CLPTM1: variants seen among roughly 807,000 people sequenced by gnomAD.
The protein encoded by CLPTM1 is CLPTM1 regulator of GABA type A receptor forward trafficking.
Under a neutral mutation model 77.3 loss-of-function variants are expected in CLPTM1, and 21 were observed. That is an observed-to-expected ratio of 0.27 (90% CI 0.19 to 0.39). CLPTM1 has a LOEUF of 0.39. Among genes scored for constraint, CLPTM1 ranks in the 10% least tolerant of loss-of-function variants. The pLI is 1.00. For missense variants in CLPTM1, 642 were observed against 921.2 expected, an observed-to-expected ratio of 0.70 and a Z score of 3.92; for synonymous variants, 373 against 381.0, an observed-to-expected ratio of 0.98 and a Z score of 0.24.
Position 44,977,471 on chromosome 19 carries a change from C to T in CLPTM1, c.586+11C>T, listed in dbSNP as rs758699169. The T allele has an allele frequency of 6.3e-7, 1 of 1,585,572 alleles. No homozygotes were observed. Among genetic ancestry groups the T allele is most frequent in the African/African-American group, 1.3e-5 (1 of 74,554 alleles). ...TCCACATGTCCCGGAGTAAGTCGCT[C>T]CCCTGCAGCCAGGACCCACTGTCCA... is the stretch of plus-strand genomic sequence containing the variant. On this transcript the variant is annotated intron_variant, in intron 5 of 13. Coordinates refer to ENST00000337392, the MANE Select transcript of CLPTM1 (RefSeq NM_001294.4).
chr19:44,986,355 T>A (rs927879842), intron 6 of CLPTM1, 100 bp from the exon 7 acceptor site: 1 of 1,448,912 alleles, frequency 6.9e-7, no homozygotes, highest in African/African-American at 1.4e-5. Flanking sequence ...AAGCAAAGAT[T>A]AAGATTTTCT....
chr19:44,976,032 T>C (rs1970801050), intron 4 of CLPTM1, among the ~76,000 whole-genome samples: 1 of 152,092 alleles, frequency 6.6e-6, no homozygotes, highest in South Asian at 2.1e-4. Context: ...CCAGCTAATT[T>C]TTTGTAGAGA....
intron 1 of CLPTM1, among the ~76,000 whole-genome samples, chr19:44,959,775 T>C (rs1410299692): frequency 6.6e-6 from 1 of 152,230 alleles, no homozygotes; most frequent in African/African-American, 2.4e-5. Context: ...TACTTTTACT[T>C]TCCCCCCTAG....
In CLPTM1 at chr19:44,992,701, C is replaced by T. The variant is rs746722114; in HGVS notation, c.1814C>T (p.Pro605Leu). The change falls in exon 14 of 14, where the codon CCC (proline) becomes CTC (leucine). Residue 605 changes from proline to leucine, a missense_variant. By Grantham distance (98) the Pro-to-Leu change is moderately conservative (BLOSUM62 -3). Coordinates refer to ENST00000337392, the MANE Select transcript of CLPTM1 (RefSeq NM_001294.4). This position sits in a 1 kb window ranked among gnomAD's most constrained non-coding sequence, Gnocchi z 7.7. ...VNEFGMSGED[P>L]TAAAPVAEVP... ...GAGTTTGGCATGAGTGGAGAAGACC[C>T]CACAGCTGCCGCCCCCGTGGCCGAG... 4.3e-6 allele frequency: 7 copies of T among 1,613,616 alleles called. No individual in the cohort carries two copies. The African/African-American group carries it at 6.7e-5, about 15-fold the overall frequency.
chr19:44,968,696 A>G (rs913503223), intron 2 of CLPTM1, among the ~76,000 whole-genome samples: 1 of 152,146 alleles, frequency 6.6e-6, no homozygotes, highest in Non-Finnish European at 1.5e-5. Flanking sequence ...TGTTTTATAC[A>G]TGGGGATCTA....
At chr19:44,969,848 C>T (rs555059089) in intron 2 of CLPTM1, among the ~76,000 whole-genome samples, 48 of 151,504 alleles carry the variant, frequency 3.2e-4, no homozygotes, top group African/African-American at 1.1e-3. Context: ...CCACCACGCC[C>T]GGCTAATTTT....
At chr19:44,978,650 T>TAAAA (rs1970843889) in intron 5 of CLPTM1, among the ~76,000 whole-genome samples, 1 of 151,988 alleles carries the variant, frequency 6.6e-6, no homozygotes, top group African/African-American at 2.4e-5. Flanking sequence ...ACAATAGTAA[T>TAAAA]AAAAAATAAG....
chr19:44,991,380 G>T lies in CLPTM1; in HGVS notation c.1555+7G>T. The T allele has an allele frequency of 1.2e-6, 2 of 1,610,128 alleles. No homozygotes were observed. The highest frequency in any genetic ancestry group is 1.7e-6 in the Non-Finnish European group (2 of 1,179,740). ...GGCTTCCTGCTGACCTTCGGTGAGC[G>T]GTCCGGCCGCCCCAGGAGAGAGCAG... is the stretch of plus-strand genomic sequence containing the variant. On this transcript the variant is annotated splice_region_variant and intron_variant, in intron 12 of 13. Transcript: ENST00000337392. The surrounding 1 kb of genome is among the most constrained non-coding windows in gnomAD (Gnocchi z 5.4).
At chr19:44,975,382 A>G (rs1414175584) in intron 4 of CLPTM1, among the ~76,000 whole-genome samples, 3 of 152,196 alleles carry the variant, frequency 2.0e-5, no homozygotes, top group East Asian at 1.9e-4. Context: ...ATCAGCAAGT[A>G]TTGAACAAGT....
chr19:44,985,862 G>T (rs1970969232), intron 6 of CLPTM1, among the ~76,000 whole-genome samples: 1 of 152,222 alleles, frequency 6.6e-6, no homozygotes, highest in Non-Finnish European at 1.5e-5. Flanking sequence ...GCAAGAGTGT[G>T]TGGAGCCTGC....
intron 7 of CLPTM1, chr19:44,986,872 G>A (rs1280771325): frequency 3.8e-6 from 2 of 531,568 alleles, no homozygotes; most frequent in South Asian, 2.7e-5. Context: ...AATTGAGGCA[G>A]TATCACTTAA....
intron 6 of CLPTM1, 85 bp downstream of exon 6, chr19:44,985,388 C>A: frequency 1.1e-6 from 1 of 919,738 alleles, no homozygotes; most frequent in Non-Finnish European, 1.8e-6. Flanking sequence ...TGTCATCTGT[C>A]ACCACCACTG....
intron 3 of CLPTM1, 125 bp downstream of exon 3, chr19:44,973,335 G>C: frequency 7.5e-7 from 1 of 1,329,286 alleles, no homozygotes; most frequent in Non-Finnish European, 1.0e-6. Context: ...AGGAAAACAG[G>C]TCCAGGGTTG....
rs749940708 is a variant in CLPTM1 at position 44,993,233 on chromosome 19, C to G, written c.*336C>G. The G allele has an allele frequency of 1.9e-6, 1 of 531,610 alleles. No homozygotes were observed. The highest frequency in any genetic ancestry group is 3.6e-6 in the Non-Finnish European group (1 of 277,822). The allele number at this position is 531,610 out of a possible 1,614,324, so 32.9% of individuals were successfully genotyped here. On this transcript the variant is annotated 3_prime_UTR_variant, in exon 14 of 14. Coordinates refer to ENST00000337392, the MANE Select transcript of CLPTM1 (RefSeq NM_001294.4). ...GGCCCCCCTACGGGATGCCCACGGC[C>G]GTTCATCATCTTGTCCCTCGTCCCC...
chr19:44,961,909 A>G (rs1970548967), intron 1 of CLPTM1, 54 bp from the exon 2 acceptor site: 1 of 1,253,236 alleles, frequency 8.0e-7, no homozygotes, highest in Non-Finnish European at 1.1e-6. Context: ...GATGGTGTCT[A>G]AGACAGCCCC....
chr19:44,972,471 A>G (rs1051922234), intron 2 of CLPTM1, among the ~76,000 whole-genome samples: 42 of 151,866 alleles, frequency 2.8e-4, no homozygotes, highest in African/African-American at 7.7e-4. Context: ...GGATGGTCTC[A>G]ATCTCCTGAC....
chr19:44,982,241 C>T (rs538319674), intron 5 of CLPTM1, among the ~76,000 whole-genome samples: 103 of 151,670 alleles, frequency 6.8e-4, no homozygotes, highest in Non-Finnish European at 1.3e-3. Flanking sequence ...TCCGTCTACT[C>T]GGGAGGCTGA....
At chr19:44,961,897 ATG>A in intron 1 of CLPTM1, 64 bp from the exon 2 acceptor site, 1 of 1,056,776 alleles carries the variant, frequency 9.5e-7, no homozygotes, top group Non-Finnish European at 1.4e-6. Flanking sequence ...GCCTTCATGC[ATG>A]ATGGTGTCTA....
Position 44,992,474 on chromosome 19 carries a change from G to A in CLPTM1, c.1723+74G>A. ...GGCAGTCTTTAGGGCCCAGGCCTGA[G>A]GGGGTGCCACGGCCCCAGATGGGGT... On this transcript the variant is annotated intron_variant, in intron 13 of 13. Coordinates refer to ENST00000337392, the MANE Select transcript of CLPTM1 (RefSeq NM_001294.4). This position sits in a 1 kb window ranked among gnomAD's most constrained non-coding sequence, Gnocchi z 7.7. 1 of 1,598,206 alleles carries A rather than the reference G, an allele frequency of 6.3e-7. No homozygotes were observed. Among genetic ancestry groups the A allele is most frequent in the South Asian group, 1.1e-5 (1 of 90,130 alleles).
Sources: gnomAD v4.1 joint callset for allele counts (sites outside exome capture counted in the v4.1 genomes callset) on GRCh38, gnomAD v4.1.1 for gene constraint, Gnocchi (gnomAD v3.1) non-coding constraint, MANE v1.5 for transcripts, NCBI Gene and HGNC (gene_info 2026-07-23, HGNC 2026-07-21) for gene names.